The following SUFU variants were observed in gnomAD, a reference collection of about 807,000 sequenced individuals.
The protein encoded by SUFU is suppressor of fused homolog.
Under a neutral mutation model 58.9 loss-of-function variants are expected in SUFU, and 7 were observed. The observed-to-expected ratio is 0.12, with a 90% CI of 0.07 to 0.22. The LOEUF (loss-of-function observed/expected upper bound fraction) is 0.22, where lower values mean the gene tolerates loss of function less well. Among genes scored for constraint, SUFU ranks in the 10% least tolerant of loss-of-function variants. The pLI, the probability that SUFU is intolerant of heterozygous loss-of-function variation, is 1.00. For synonymous variants in SUFU, 232 were observed against 254.8 expected, an observed-to-expected ratio of 0.91 and a Z score of 0.85; for missense variants, 451 against 641.3, an observed-to-expected ratio of 0.70 and a Z score of 3.20.
At chr10:102,620,381 A>AGG (rs2063729631) in intron 10 of SUFU, among the ~76,000 whole-genome samples, 1 of 152,146 alleles carries the variant, frequency 6.6e-6, no homozygotes, top group South Asian at 2.1e-4. Context: ...GGCCCCAGAC[A>AGG]GGCCTCCACA....
intron 1 of SUFU, among the ~76,000 whole-genome samples, chr10:102,507,878 C>T (rs189756756): frequency 2.6e-5 from 4 of 151,954 alleles, no homozygotes; most frequent in African/African-American, 7.2e-5. Flanking sequence ...GCTCAAATGC[C>T]GTGTTTGTGG....
intron 3 of SUFU, among the ~76,000 whole-genome samples, chr10:102,551,166 T>C (rs1423365491): frequency 6.6e-6 from 1 of 152,226 alleles, no homozygotes; most frequent in Non-Finnish European, 1.5e-5. Flanking sequence ...ATGAGGCAGA[T>C]CCATAACTAC....
At chr10:102,551,881 C>T (rs965498910) in intron 3 of SUFU, among the ~76,000 whole-genome samples, 50 of 150,818 alleles carry the variant, frequency 3.3e-4, no homozygotes, top group African/African-American at 1.2e-3. Flanking sequence ...CCCGCCACCA[C>T]GCCTGGCTAA....
At chr10:102,543,776 A>G (rs1223224550) in intron 2 of SUFU, among the ~76,000 whole-genome samples, 1 of 152,248 alleles carries the variant, frequency 6.6e-6, no homozygotes, top group Admixed American at 6.5e-5. Context: ...TGTAAGTGAT[A>G]TAATGCTTAT....
intron 3 of SUFU, 61 bp from the exon 4 acceptor site, chr10:102,592,521 C>T (rs1190664657): frequency 4.4e-6 from 7 of 1,607,358 alleles, no homozygotes; most frequent in Non-Finnish European, 5.9e-6. Flanking sequence ...AGATCCCAGC[C>T]CAGATTCCAG....
At chr10:102,515,796 C>G (rs535372083) in intron 2 of SUFU, among the ~76,000 whole-genome samples, 8 of 152,242 alleles carry the variant, frequency 5.3e-5, no homozygotes, top group African/African-American at 1.9e-4. Context: ...GTTTAGCAGG[C>G]TAAAAGAAGT....
At position 102,630,128 on chromosome 10, in the gene SUFU, C is replaced by T. The variant is rs777069460; in HGVS notation, c.1428C>T (p.Asp476=). 1.3e-5 allele frequency: 21 copies of T among 1,614,184 alleles called. No homozygotes were observed. The East Asian group carries it at 1.6e-4, about 12-fold the overall frequency. Reference sequence around the variant, plus strand: ...AGCTGAAGGTCTCCATCCTGCCTGACGTGGTGTTCGACAGTCCGCTACACT... The same window carrying T: ...AGCTGAAGGTCTCCATCCTGCCTGATGTGGTGTTCGACAGTCCGCTACACT... ...EKKLKVSILP[D]VVFDSPLH is the part of the protein sequence containing the mutation. Residue 476 remains aspartate (D), a synonymous_variant, in exon 12 of 12, where the codon GAC becomes GAT. Coordinates refer to ENST00000369902, the MANE Select transcript of SUFU (RefSeq NM_016169.4).
chr10:102,630,361 C>T lies in SUFU; in HGVS notation c.*206C>T. On this transcript the variant is annotated 3_prime_UTR_variant, in exon 12 of 12. Coordinates refer to ENST00000369902, the MANE Select transcript of SUFU (RefSeq NM_016169.4). ...CCAGCTCAGGGGCCGCACCCCGCCG[C>T]TGGCTAAGCCTTGTGACCCATCAGG... 1 of 606,148 alleles carries T rather than the reference C, an allele frequency of 1.6e-6. No individual in the cohort carries two copies. The highest frequency in any genetic ancestry group is 3.0e-6 in the Non-Finnish European group (1 of 338,812). 37.5% of individuals were successfully genotyped at this position (606,148 alleles called of 1,614,324 possible). A position where few individuals can be genotyped will look rare whatever the true frequency, so the allele number is the denominator to read the frequency against.
chr10:102,559,391 C>T (rs1338340652), intron 3 of SUFU, among the ~76,000 whole-genome samples: 1 of 152,238 alleles, frequency 6.6e-6, no homozygotes, highest in Non-Finnish European at 1.5e-5. Context: ...GAAGCCCCAG[C>T]CCTGCCTGGG....
chr10:102,563,015 C>T (rs1484023748), intron 3 of SUFU, among the ~76,000 whole-genome samples: 5 of 152,060 alleles, frequency 3.3e-5, no homozygotes, highest in South Asian at 2.1e-4. Flanking sequence ...TCAGATGAGG[C>T]GATAGGGAGG....
chr10:102,574,502 G>C (rs1474534291), intron 3 of SUFU, among the ~76,000 whole-genome samples: 6 of 152,162 alleles, frequency 3.9e-5, no homozygotes, highest in Non-Finnish European at 8.8e-5. Flanking sequence ...AGTGCCAGCT[G>C]TTTGAGAGGC....
chr10:102,534,025 T>G (rs982475241), intron 2 of SUFU, among the ~76,000 whole-genome samples: 2 of 152,160 alleles, frequency 1.3e-5, no homozygotes, highest in African/African-American at 4.8e-5. Flanking sequence ...GTTCTTTGCT[T>G]GGGTATAGAT....
At chr10:102,585,888 C>CTTT (rs34024871) in intron 3 of SUFU, among the ~76,000 whole-genome samples, 3,644 of 135,002 alleles carry the variant, frequency 0.027, 208 homozygotes, top group African/African-American at 0.09. Context: ...ATTTGTATAT[C>CTTT]TTTTTTTTTT....
chr10:102,504,033 C>T lies in SUFU; in HGVS notation c.-120C>T. ...GCCGTGCGCAGGCGCGGAGCTAGAC[C>T]TCGCTGCAGCCCCCATCGCCTCGGG... On this transcript the variant is annotated 5_prime_UTR_variant, in exon 1 of 12. Coordinates refer to ENST00000369902, the MANE Select transcript of SUFU (RefSeq NM_016169.4). The T allele has an allele frequency of 2.2e-6, 3 of 1,354,254 alleles. No homozygotes were observed. Among genetic ancestry groups the T allele is most frequent in the Non-Finnish European group, 2.9e-6 (3 of 1,031,100 alleles). The allele number at this position is 1,354,254 out of a possible 1,614,324, so 83.9% of individuals were successfully genotyped here.
chr10:102,619,104 G>C lies in SUFU; in HGVS notation c.1296+1676G>C. ...CTCGGAGCTCTGCCCTCCCGTCCTG[G>C]AACGTCTTTCTGCCCTGAGGAGAGG... On this transcript the variant is annotated intron_variant, in intron 10 of 11. Transcript: ENST00000369902. The surrounding 1 kb of genome is among the most constrained non-coding windows in gnomAD (Gnocchi z 4.2). 1 of 1,612,782 alleles carries C rather than the reference G, an allele frequency of 6.2e-7. No individual in the cohort carries two copies. Among genetic ancestry groups the C allele is most frequent in the Non-Finnish European group, 8.5e-7 (1 of 1,179,870 alleles).
In SUFU at chr10:102,630,418, C is replaced by A. The variant is rs748418368; in HGVS notation, c.*263C>A. ...AGTGGGCAAATGCGGACCCTCCCTG[C>A]CTGCAGCCTGCACAGATTCTGGTTT... On this transcript the variant is annotated 3_prime_UTR_variant, in exon 12 of 12. Coordinates refer to ENST00000369902, the MANE Select transcript of SUFU (RefSeq NM_016169.4). 104 of 527,556 alleles carry A rather than the reference C, an allele frequency of 2.0e-4. No individual in the cohort carries two copies. The highest frequency in any genetic ancestry group is 3.4e-4 in the Non-Finnish European group (98 of 290,484). The allele number at this position is 527,556 out of a possible 1,614,324, so 32.7% of individuals were successfully genotyped here.
chr10:102,518,515 G>GTCTATCTATCTATCTA lies in SUFU; in HGVS notation c.317+9215_317+9216insATCTATCTATCTATCT, dbSNP rs534274959. Among the ~76,000 whole-genome samples the GTCTATCTATCTATCTA allele has an allele frequency of 8.6e-3, 981 of 114,168 alleles. 9 individuals are homozygous for GTCTATCTATCTATCTA. Among genetic ancestry groups the GTCTATCTATCTATCTA allele is most frequent in the African/African-American group, 0.016 (433 of 26,800 alleles). The allele number at this position is 114,168 out of a possible 152,430, so 74.9% of individuals were successfully genotyped here. A position where few individuals can be genotyped will look rare whatever the true frequency, so the allele number is the denominator to read the frequency against. On this transcript the variant is annotated intron_variant, in intron 2 of 11. Coordinates refer to ENST00000369902, the MANE Select transcript of SUFU (RefSeq NM_016169.4). ...AAGCTATCTATCTAACTGTCTGTCTGTCTGTCTATCTATCTATCTATCTAT... is the reference window on the plus strand; with the variant it reads ...AAGCTATCTATCTAACTGTCTGTCTGTCTATCTATCTATCTATCTGTCTATCTATCTATCTATCTAT...
At chr10:102,543,398 TAAAA>T (rs991901042) in intron 2 of SUFU, among the ~76,000 whole-genome samples, 1 of 152,214 alleles carries the variant, frequency 6.6e-6, no homozygotes, top group African/African-American at 2.4e-5. Flanking sequence ...TTTTCCAAAT[TAAAA>T]AATAAATGAA....
chr10:102,628,253 C>G lies in SUFU; in HGVS notation c.1365+1010C>G, dbSNP rs1296950543. On this transcript the variant is annotated intron_variant, in intron 11 of 11. Transcript: ENST00000369902. The surrounding 1 kb of genome is among the most constrained non-coding windows in gnomAD (Gnocchi z 4.5). Reference sequence around the variant, plus strand: ...ACACAGGCCTCTGGTGTTTAGGAAGCTGAGGGGAGTGCACAGGGCGGGACC... The same window carrying G: ...ACACAGGCCTCTGGTGTTTAGGAAGGTGAGGGGAGTGCACAGGGCGGGACC... Among the ~76,000 whole-genome samples the G allele has an allele frequency of 6.6e-6, 1 of 152,196 alleles. No homozygotes were observed. The highest frequency in any genetic ancestry group is 1.5e-5 in the Non-Finnish European group (1 of 68,022).
Sources: allele counts gnomAD v4.1 joint callset (sites outside exome capture counted in the v4.1 genomes callset), GRCh38; gene constraint gnomAD v4.1.1; non-coding constraint Gnocchi (gnomAD v3.1); transcripts MANE v1.5; gene names NCBI Gene and HGNC (gene_info 2026-07-23, HGNC 2026-07-21).